KLF4: variants seen among roughly 807,000 people sequenced by gnomAD.
KLF4 encodes Krueppel-like factor 4.
Under a neutral mutation model 38.0 loss-of-function variants are expected in KLF4, and 14 were observed. The observed-to-expected ratio is 0.37, with a 90% CI of 0.24 to 0.58. KLF4 has a LOEUF of 0.58. Among genes scored for constraint, KLF4 ranks in the 20% least tolerant of loss-of-function variants. KLF4 has a pLI of 0.76. For missense variants in KLF4, 737 were observed against 670.1 expected (o/e 1.10, Z -1.10); for synonymous variants, 398 against 302.5 (o/e 1.32, Z -3.28).
Position 107,485,941 on chromosome 9 carries a change from GAAA to G in KLF4, c.1265-18_1265-16del. 2 of 1,526,734 alleles carry G rather than the reference GAAA, an allele frequency of 1.3e-6. No individual in the cohort carries two copies. Among genetic ancestry groups the G allele is most frequent in the Non-Finnish European group, 1.8e-6 (2 of 1,132,438 alleles). 94.6% of individuals were successfully genotyped at this position (1,526,734 alleles called of 1,614,324 possible). A position where few individuals can be genotyped will look rare whatever the true frequency, so the allele number is the denominator to read the frequency against. ...AGGTTTCTCACCTGTAAAGGTAAAAGAAAAAAAAAATTGACGCTATTGCTATAT... is the reference window on the plus strand; with the variant it reads ...AGGTTTCTCACCTGTAAAGGTAAAAGAAAAAAATTGACGCTATTGCTATAT... On this transcript the variant is annotated splice_polypyrimidine_tract_variant and intron_variant, in intron 4 of 4. Coordinates refer to ENST00000374672, the MANE Select transcript of KLF4 (RefSeq NM_004235.6). The surrounding 1 kb of genome is among the most constrained non-coding windows in gnomAD (Gnocchi z 4.9).
rs1587921696 is a variant in KLF4, at chr9:107,487,749, C to A, written c.645G>T (p.Pro215=). 15 of 1,574,986 alleles carry A rather than the reference C, an allele frequency of 9.5e-6. No homozygotes were observed. In the East Asian group the frequency reaches 3.3e-4, roughly 34 times the overall value. ...CGCCACCTGGCGGCTGCGGCTGCTG[C>A]GGCGGAATGTACACCGGGTCCAATT... is the stretch of plus-strand genomic sequence containing the variant. ...RPELDPVYIP[P]QQPQPPGGGL... Residue 215 remains proline, a synonymous_variant, in exon 3 of 5, where the codon CCG becomes CCT. Coordinates refer to ENST00000374672, the MANE Select transcript of KLF4 (RefSeq NM_004235.6). This position sits in a 1 kb window ranked among gnomAD's most constrained non-coding sequence, Gnocchi z 6.1.
rs1059914 is a variant in KLF4, at chr9:107,487,433, G to A, written c.961C>T (p.Leu321Phe). 1 of 1,520,442 alleles carries A rather than the reference G, an allele frequency of 6.6e-7. No individual in the cohort carries two copies. Among genetic ancestry groups the A allele is most frequent in the African/African-American group, 1.4e-5 (1 of 72,076 alleles). 94.2% of individuals were successfully genotyped at this position (1,520,442 alleles called of 1,614,324 possible). A position where few individuals can be genotyped will look rare whatever the true frequency, so the allele number is the denominator to read the frequency against. ...LPSRTTPTLG[L>F]EEVLSSRDCH... Reference sequence around the variant, plus strand: ...TCCCTGCTGCTCAGCACTTCCTCAAGACCCAGGGTCGGGGTAGTCCTGCTG... The same window carrying A: ...TCCCTGCTGCTCAGCACTTCCTCAAAACCCAGGGTCGGGGTAGTCCTGCTG... Residue 321 changes from leucine to phenylalanine, a missense_variant, in exon 3 of 5, where the codon CTT becomes TTT. This residue lies in a region of KLF4 where 695 missense variants were observed against 554.5 expected (regional missense o/e 1.25). Transcript: ENST00000374672. This position sits in a 1 kb window ranked among gnomAD's most constrained non-coding sequence, Gnocchi z 6.1.
Position 107,484,883 on chromosome 9 carries a change from CTT to C in KLF4, c.*866_*867del, listed in dbSNP as rs1308081855. The stretch of plus-strand genomic sequence containing the variant: ...TAAAATATTATAGGTTTATTTAAAA[CTT>C]AATTCTCACCTTGAGTATGCAAAAT... On this transcript the variant is annotated 3_prime_UTR_variant, in exon 5 of 5. Coordinates refer to ENST00000374672, the MANE Select transcript of KLF4 (RefSeq NM_004235.6). 2 of 186,856 alleles carry C rather than the reference CTT, an allele frequency of 1.1e-5. No homozygotes were observed. The highest frequency in any genetic ancestry group is 4.7e-5 in the African/African-American group (2 of 42,708). 11.6% of individuals were successfully genotyped at this position (186,856 alleles called of 1,614,324 possible). A position where few individuals can be genotyped will look rare whatever the true frequency, so the allele number is the denominator to read the frequency against.
In KLF4 at chr9:107,489,063, C is replaced by A; in HGVS notation, c.6-13G>T. 3 of 1,553,034 alleles carry A rather than the reference C, an allele frequency of 1.9e-6. No individual in the cohort carries two copies. Among genetic ancestry groups the A allele is most frequent in the East Asian group, 2.4e-5 (1 of 41,088 alleles). ...GCCAGGTGGCTGCCTGCGAGCAAGG[C>A]AGGGAGCGGAGACAGGAGAGTCAGG... On this transcript the variant is annotated splice_polypyrimidine_tract_variant and intron_variant, in intron 1 of 4. Transcript: ENST00000374672.
chr9:107,488,571 T>G lies in KLF4; in HGVS notation c.127-304A>C. On this transcript the variant is annotated intron_variant, in intron 2 of 4. Transcript: ENST00000374672. The surrounding 1 kb of genome is among the most constrained non-coding windows in gnomAD (Gnocchi z 5.7). Reference sequence around the variant, plus strand: ...GTCCCCGGAATTGGCACACCGAGGCTCTCTCGGTGCGCTCTCGCCACGGGG... The same window carrying G: ...GTCCCCGGAATTGGCACACCGAGGCGCTCTCGGTGCGCTCTCGCCACGGGG... 2.1e-6 allele frequency: 1 copy of G among 486,654 alleles called. No individual in the cohort carries two copies. The highest frequency in any genetic ancestry group is 3.6e-6 in the Non-Finnish European group (1 of 276,664). 30.1% of individuals were successfully genotyped at this position (486,654 alleles called of 1,614,324 possible).
chr9:107,487,056 A>G lies in KLF4; in HGVS notation c.1236T>C (p.His412=), dbSNP rs370652572. The change falls in exon 4 of 5, where the codon CAT becomes CAC. Residue 412 remains histidine, a synonymous_variant. Coordinates refer to ENST00000374672, the MANE Select transcript of KLF4 (RefSeq NM_004235.6). The surrounding 1 kb of genome is among the most constrained non-coding windows in gnomAD (Gnocchi z 6.1). ...GCGKTYTKSS[H]LKAHLRTHTG... ...TGTGGGTTCGCAGGTGTGCCTTGAG[A>G]TGGGAACTCTTTGTGTAGGTTTTGC... is the stretch of plus-strand genomic sequence containing the variant. The G allele has an allele frequency of 1.2e-5, 20 of 1,613,544 alleles. No individual in the cohort carries two copies. In the African/African-American group the frequency reaches 2.4e-4, roughly 19 times the overall value.
At position 107,487,492 on chromosome 9, in the gene KLF4, G is replaced by A. The variant is rs749247959; in HGVS notation, c.902C>T (p.Ala301Val). 1.3e-6 allele frequency: 2 copies of A among 1,541,634 alleles called. No individual in the cohort carries two copies. Among genetic ancestry groups the A allele is most frequent in the Non-Finnish European group, 1.7e-6 (2 of 1,145,952 alleles). ...CCGCCCCAGGGGGAAGTCGTGTGCAGCCGGCCGGTGGCCATTGCTGAGAGG... is the reference window on the plus strand; with the variant it reads ...CCGCCCCAGGGGGAAGTCGTGTGCAACCGGCCGGTGGCCATTGCTGAGAGG... ...GPPLSNGHRPAAHDFPLGRQL... is the reference protein window; with the variant it reads ...GPPLSNGHRPVAHDFPLGRQL... Residue 301 changes from alanine to valine, a missense_variant, in exon 3 of 5, where the codon GCT becomes GTT. Coordinates refer to ENST00000374672, the MANE Select transcript of KLF4 (RefSeq NM_004235.6). The surrounding 1 kb of genome is among the most constrained non-coding windows in gnomAD (Gnocchi z 6.1).
intron 4 of KLF4, among the ~76,000 whole-genome samples, chr9:107,486,322 T>A (rs891204437): frequency 1.3e-5 from 2 of 152,052 alleles, no homozygotes; most frequent in African/African-American, 4.8e-5. Context: ...CGACTGGGGA[T>A]AAAAAGCCAC....
chr9:107,488,502 A>T lies in KLF4; in HGVS notation c.127-235T>A. On this transcript the variant is annotated intron_variant, in intron 2 of 4. Transcript: ENST00000374672. This position sits in a 1 kb window ranked among gnomAD's most constrained non-coding sequence, Gnocchi z 5.7. Reference sequence around the variant, plus strand: ...TGTCCTGTCTGCCCAATTGCGTGTGAGCGAGCGCCGCGGCTGGTCCCTCCC... The same window carrying T: ...TGTCCTGTCTGCCCAATTGCGTGTGTGCGAGCGCCGCGGCTGGTCCCTCCC... 2 of 692,806 alleles carry T rather than the reference A, an allele frequency of 2.9e-6. No individual in the cohort carries two copies. The highest frequency in any genetic ancestry group is 4.5e-6 in the Non-Finnish European group (2 of 444,732). 42.9% of individuals were successfully genotyped at this position (692,806 alleles called of 1,614,324 possible). A position where few individuals can be genotyped will look rare whatever the true frequency, so the allele number is the denominator to read the frequency against.
chr9:107,487,183 G>A lies in KLF4; in HGVS notation c.1109C>T (p.Pro370Leu). 6.2e-7 allele frequency: 1 copy of A among 1,614,138 alleles called. No homozygotes were observed. Residue 370 changes from proline to leucine, a missense_variant, in exon 4 of 5, where the codon CCA (proline) becomes CTA (leucine). Physicochemically the swap from Pro to Leu is moderately conservative, Grantham distance 98. Around this residue, in one of 2 missense-constraint regions of KLF4, gnomAD observed 695 missense variants for 554.5 expected, o/e 1.25. Coordinates refer to ENST00000374672, the MANE Select transcript of KLF4 (RefSeq NM_004235.6). This position sits in a 1 kb window ranked among gnomAD's most constrained non-coding sequence, Gnocchi z 6.1. ...VPPLHYQELM[P>L]PGSCMPEEPK... is the part of the protein sequence containing the mutation. ...CTCCTCTGGCATGCAGGAACCGGGT[G>A]GCATGAGCTCTAGGGGTGAAGAAGG...
Position 107,489,239 on chromosome 9 carries a change from C to T in KLF4, c.-67G>A. The T allele has an allele frequency of 2.1e-6, 3 of 1,433,184 alleles. No homozygotes were observed. Among genetic ancestry groups the T allele is most frequent in the South Asian group, 3.1e-5 (2 of 65,510 alleles). 88.8% of individuals were successfully genotyped at this position (1,433,184 alleles called of 1,614,324 possible). A position where few individuals can be genotyped will look rare whatever the true frequency, so the allele number is the denominator to read the frequency against. On this transcript the variant is annotated 5_prime_UTR_variant, in exon 1 of 5. Coordinates refer to ENST00000374672, the MANE Select transcript of KLF4 (RefSeq NM_004235.6). ...TGGGGCACCTGAACCCCAAAGTCAA[C>T]GAAGAGAAGAAACGAAGCCAAAACC... is the stretch of plus-strand genomic sequence containing the variant.
At chr9:107,486,582 G>A (rs1326650180) in intron 4 of KLF4, among the ~76,000 whole-genome samples, 5 of 151,840 alleles carry the variant, frequency 3.3e-5, no homozygotes, top group African/African-American at 9.7e-5. Flanking sequence ...GAATTGTTAC[G>A]ACCAGAATTC....
rs1173370556 is a variant in KLF4 at position 107,488,127 on chromosome 9, C to A, written c.267G>T (p.Ala89=). Residue 89 remains alanine, a synonymous_variant, in exon 3 of 5, where the codon GCG becomes GCT. Coordinates refer to ENST00000374672, the MANE Select transcript of KLF4 (RefSeq NM_004235.6). This position sits in a 1 kb window ranked among gnomAD's most constrained non-coding sequence, Gnocchi z 5.7. The stretch of plus-strand genomic sequence containing the variant: ...CCTCGGTCTCTCTCCGAGGTAGGGG[C>A]GCCAGGTTGCTACCGCCGCAAGCCG... ...AGAACGGSNL[A]PLPRRETEEF... The A allele has an allele frequency of 1.9e-6, 3 of 1,612,568 alleles. No individual in the cohort carries two copies. Among genetic ancestry groups the A allele is most frequent in the African/African-American group, 1.3e-5 (1 of 74,932 alleles).
rs745882194 is a variant in KLF4, at chr9:107,487,015, T to A, written c.1264+13A>T. On this transcript the variant is annotated intron_variant, in intron 4 of 4. Transcript: ENST00000374672. The surrounding 1 kb of genome is among the most constrained non-coding windows in gnomAD (Gnocchi z 6.1). ...AAGCTAACCCCCCTCCCTTCTGCAGTTTGTCCCCCTACCTGTGTGGGTTCG... is the reference window on the plus strand; with the variant it reads ...AAGCTAACCCCCCTCCCTTCTGCAGATTGTCCCCCTACCTGTGTGGGTTCG... 3 of 1,614,074 alleles carry A rather than the reference T, an allele frequency of 1.9e-6. No homozygotes were observed. In the South Asian group the frequency reaches 3.3e-5, roughly 18 times the overall value.
chr9:107,486,175 T>C (rs936068218), intron 4 of KLF4, among the ~76,000 whole-genome samples: 1 of 152,138 alleles, frequency 6.6e-6, no homozygotes, highest in Admixed American at 6.5e-5. Flanking sequence ...CCTATACTAA[T>C]GTTTCACCAA....
intron 4 of KLF4, among the ~76,000 whole-genome samples, chr9:107,486,707 C>T (rs1829069146): frequency 1.3e-5 from 2 of 152,082 alleles, no homozygotes; most frequent in South Asian, 4.1e-4. Context: ...TAATGCCAAG[C>T]TAGGAGAGGC....
In KLF4 at chr9:107,489,337, TCC is replaced by T. The variant is rs1441077733; in HGVS notation, c.-167_-166del. ...CTTGGAAGCGTCTTTTTTAAAAAGT[TCC>T]TTTGTATACAAAAGTTCTTAGAAAA... On this transcript the variant is annotated 5_prime_UTR_variant, in exon 1 of 5. Coordinates refer to ENST00000374672, the MANE Select transcript of KLF4 (RefSeq NM_004235.6). 21 of 968,080 alleles carry T rather than the reference TCC, an allele frequency of 2.2e-5. No individual in the cohort carries two copies. Among genetic ancestry groups the T allele is most frequent in the African/African-American group, 8.4e-5 (5 of 59,454 alleles). The allele number at this position is 968,080 out of a possible 1,614,324, so 60.0% of individuals were successfully genotyped here. A position where few individuals can be genotyped will look rare whatever the true frequency, so the allele number is the denominator to read the frequency against.
At position 107,485,375 on chromosome 9, in the gene KLF4, T is replaced by C. The variant is rs1390756907; in HGVS notation, c.*376A>G. On this transcript the variant is annotated 3_prime_UTR_variant, in exon 5 of 5. Transcript: ENST00000374672. The surrounding 1 kb of genome is among the most constrained non-coding windows in gnomAD (Gnocchi z 4.9). ...GTAAAGAGAATACAAGGTGATCTTT[T>C]ATGCTTATATTGCATCAATACACAA... The C allele has an allele frequency of 8.1e-6, 2 of 245,874 alleles. No individual in the cohort carries two copies. Among genetic ancestry groups the C allele is most frequent in the East Asian group, 6.1e-5 (1 of 16,480 alleles). The allele number at this position is 245,874 out of a possible 1,614,324, so 15.2% of individuals were successfully genotyped here. A position where few individuals can be genotyped will look rare whatever the true frequency, so the allele number is the denominator to read the frequency against.
rs1289954622 is a variant in KLF4, at chr9:107,484,921, C to T, written c.*830G>A. On this transcript the variant is annotated 3_prime_UTR_variant, in exon 5 of 5. Coordinates refer to ENST00000374672, the MANE Select transcript of KLF4 (RefSeq NM_004235.6). Reference sequence around the variant, plus strand: ...TTGAGTATGCAAAATACAAACTCCACAAAATGTTCATTTTACTTTGTAGTT... The same window carrying T: ...TTGAGTATGCAAAATACAAACTCCATAAAATGTTCATTTTACTTTGTAGTT... The T allele has an allele frequency of 1.0e-5, 2 of 192,262 alleles. No homozygotes were observed. The highest frequency in any genetic ancestry group is 8.3e-5 in the East Asian group (1 of 12,072). The allele number at this position is 192,262 out of a possible 1,614,324, so 11.9% of individuals were successfully genotyped here. A position where few individuals can be genotyped will look rare whatever the true frequency, so the allele number is the denominator to read the frequency against.
Sources: allele counts gnomAD v4.1 joint callset (sites outside exome capture counted in the v4.1 genomes callset), GRCh38; gene constraint gnomAD v4.1.1; regional missense constraint gnomAD v4.1.1; non-coding constraint Gnocchi (gnomAD v3.1); transcripts MANE v1.5; gene names NCBI Gene and HGNC (gene_info 2026-07-23, HGNC 2026-07-21).